GRK2: variants seen among roughly 807,000 people sequenced by gnomAD.
GRK2 encodes adrenergic beta receptor kinase 1.
A neutral mutation model predicts 97.8 loss-of-function variants in GRK2; 23 were observed. The ratio of observed to expected loss-of-function variants is 0.24; its 90% CI spans 0.17 to 0.33. The LOEUF is 0.33. Ranked by LOEUF, GRK2 falls within the 10% of genes least tolerant of loss-of-function variation. GRK2 has a pLI of 1.00. For missense variants in GRK2, 633 were observed against 956.9 expected (o/e 0.66, Z 4.47); for synonymous variants, 425 against 381.7 (o/e 1.11, Z -1.32).
chr11:67,280,087 CCCT>C (rs1860117353), intron 6 of GRK2, 187 bp downstream of exon 6: 2 of 627,918 alleles, frequency 3.2e-6, no homozygotes, highest in Non-Finnish European at 5.7e-6. Flanking sequence ...TCCCACCCTG[CCCT>C]CCTCAGCACC....
At position 67,286,097 on chromosome 11, in the gene GRK2, C is replaced by T. The variant is rs1198285197; in HGVS notation, c.*647C>T. On this transcript the variant is annotated 3_prime_UTR_variant, in exon 21 of 21. Coordinates refer to ENST00000308595, the MANE Select transcript of GRK2 (RefSeq NM_001619.5). ...GGTGCTGCTACCCTCCCTGCTGTCC[C>T]CTCTTGCCCCAACCCCCAGCACCCG... is the stretch of plus-strand genomic sequence containing the variant. The T allele has an allele frequency of 5.0e-6, 2 of 397,954 alleles. No homozygotes were observed. The highest frequency in any genetic ancestry group is 9.1e-6 in the Non-Finnish European group (2 of 220,648). 24.7% of individuals were successfully genotyped at this position (397,954 alleles called of 1,614,324 possible).
In GRK2 at chr11:67,284,282, G is replaced by A. The variant is rs1367742086; in HGVS notation, c.1563G>A (p.Val521=). ...TCTCGGAGCGGTGGCAGCAGGAGGT[G>A]GCAGAGACTGTCTTCGACACCATCA... is the stretch of plus-strand genomic sequence containing the variant. ...LTISERWQQE[V]AETVFDTINA... The change falls in exon 18 of 21, where the codon GTG becomes GTA. Residue 521 remains valine (V), a synonymous_variant. Coordinates refer to ENST00000308595, the MANE Select transcript of GRK2 (RefSeq NM_001619.5). 1 of 1,613,466 alleles carries A rather than the reference G, an allele frequency of 6.2e-7. No individual in the cohort carries two copies. Among genetic ancestry groups the A allele is most frequent in the Non-Finnish European group, 8.5e-7 (1 of 1,179,986 alleles).
chr11:67,274,302 C>T (rs914184959), intron 1 of GRK2, among the ~76,000 whole-genome samples: 2 of 151,800 alleles, frequency 1.3e-5, no homozygotes, highest in South Asian at 2.1e-4. Flanking sequence ...TGAGCCACCG[C>T]GTCCCGCCAA....
rs1269843779 is a variant in GRK2, at chr11:67,281,731, G to C, written c.826+3G>C. ...CTTCATCCTGGACCTCATGAACGGT[G>C]AGTGCTGGCCGGGCCCTAGGGTGGG... On this transcript the variant is annotated splice_donor_region_variant and intron_variant, in intron 10 of 20. Transcript: ENST00000308595. This position sits in a 1 kb window ranked among gnomAD's most constrained non-coding sequence, Gnocchi z 5.7. 6.2e-7 allele frequency: 1 copy of C among 1,613,528 alleles called. No individual in the cohort carries two copies. The highest frequency in any genetic ancestry group is 8.5e-7 in the Non-Finnish European group (1 of 1,179,960).
rs57767154 is a variant in GRK2 at position 67,274,495 on chromosome 11, CT to C, written c.114-2750del. Among the ~76,000 whole-genome samples, 161 of 22,474 alleles carry C rather than the reference CT, an allele frequency of 7.2e-3. 2 individuals are homozygous for C. Among genetic ancestry groups the C allele is most frequent in the East Asian group, 0.03 (11 of 372 alleles). 14.7% of individuals were successfully genotyped at this position (22,474 alleles called of 152,430 possible). A position where few individuals can be genotyped will look rare whatever the true frequency, so the allele number is the denominator to read the frequency against. Reference sequence around the variant, plus strand: ...TCGCTACCTTCCGCTTGACCAGCACCTTTTTTTTTTTTTTTTTTTTTTTTTT... The same window carrying C: ...TCGCTACCTTCCGCTTGACCAGCACCTTTTTTTTTTTTTTTTTTTTTTTTT... On this transcript the variant is annotated intron_variant, in intron 1 of 20. Coordinates refer to ENST00000308595, the MANE Select transcript of GRK2 (RefSeq NM_001619.5).
intron 2 of GRK2, among the ~76,000 whole-genome samples, chr11:67,278,679 G>T (rs1050610735): frequency 6.6e-6 from 1 of 152,210 alleles, no homozygotes; most frequent in African/African-American, 2.4e-5. Flanking sequence ...CTGGAGTGGG[G>T]CAGGGTCCAG....
rs1647345998 is a variant in GRK2 at position 67,269,265 on chromosome 11, C to T, written c.113+2453C>T. Among the ~76,000 whole-genome samples, 1 of 150,512 alleles carries T rather than the reference C, an allele frequency of 6.6e-6. No individual in the cohort carries two copies. The highest frequency in any genetic ancestry group is 1.5e-5 in the Non-Finnish European group (1 of 67,608). The stretch of plus-strand genomic sequence containing the variant: ...TTTTCCACTTGCAGAGTGCTTTTTA[C>T]TCTGTTTTGTCCTTTTGACAACTGT... On this transcript the variant is annotated intron_variant, in intron 1 of 20. Transcript: ENST00000308595. This position sits in a 1 kb window ranked among gnomAD's most constrained non-coding sequence, Gnocchi z 4.1.
chr11:67,281,888 CG>C lies in GRK2; in HGVS notation c.895del (p.Ala299ProfsTer20). The C allele has an allele frequency of 6.2e-7, 1 of 1,613,646 alleles. No individual in the cohort carries two copies. Among genetic ancestry groups the C allele is most frequent in the Non-Finnish European group, 8.5e-7 (1 of 1,179,984 alleles). ...VFSEADMRFY[A>X]AEIILGLEHM... ...TCAGAGGCTGACATGCGCTTCTATGCGGCCGAGATCATCCTGGGCCTGGAGC... is the reference window on the plus strand; with the variant it reads ...TCAGAGGCTGACATGCGCTTCTATGCGCCGAGATCATCCTGGGCCTGGAGC... On this transcript the variant is annotated frameshift_variant, in exon 11 of 21. Coordinates refer to ENST00000308595, the MANE Select transcript of GRK2 (RefSeq NM_001619.5). LOFTEE classifies it high-confidence loss of function. The surrounding 1 kb of genome is among the most constrained non-coding windows in gnomAD (Gnocchi z 5.7).
At chr11:67,279,154 C>T (rs750803892) in intron 2 of GRK2, 46 bp from the exon 3 acceptor site, 12 of 1,508,084 alleles carry the variant, frequency 8.0e-6, no homozygotes, top group Non-Finnish European at 1.0e-5. Flanking sequence ...GATGGGAAGG[C>T]CTCTGAGAGA....
At chr11:67,271,911 C>T (rs1233415099) in intron 1 of GRK2, among the ~76,000 whole-genome samples, 1 of 152,216 alleles carries the variant, frequency 6.6e-6, no homozygotes, top group Non-Finnish European at 1.5e-5. Context: ...GGAAATGCCA[C>T]AGGGAGCACC....
At chr11:67,273,805 G>A (rs1859962790) in intron 1 of GRK2, among the ~76,000 whole-genome samples, 3 of 152,112 alleles carry the variant, frequency 2.0e-5, no homozygotes, top group South Asian at 4.1e-4. Context: ...TCAGAGCCCC[G>A]GGTCCTGCTT....
intron 1 of GRK2, among the ~76,000 whole-genome samples, chr11:67,275,388 C>A (rs1295281348): frequency 6.6e-6 from 1 of 152,224 alleles, no homozygotes; most frequent in Admixed American, 6.5e-5. Context: ...TCTTCCAGAC[C>A]CTCGGGCCCA....
chr11:67,285,001 G>A lies in GRK2; in HGVS notation c.1791+18G>A. On this transcript the variant is annotated intron_variant, in intron 19 of 20. Transcript: ENST00000308595. ...AGGCCCCGGTAAGGAGCCCGTGCGG[G>A]GGTCCGGGAGCCGGGCTTCCGGGTG... 4 of 1,612,270 alleles carry A rather than the reference G, an allele frequency of 2.5e-6. No homozygotes were observed. The highest frequency in any genetic ancestry group is 3.4e-6 in the Non-Finnish European group (4 of 1,179,592).
rs879039586 is a variant in GRK2 at position 67,283,566 on chromosome 11, GTTCTCCCA to G, written c.1329-138_1329-131del. On this transcript the variant is annotated intron_variant, in intron 15 of 20. Transcript: ENST00000308595. ...ACAACCCTACGATGTAGGAACTTCT[GTTCTCCCA>G]TTTGAGAGATGAGGAAACAGCTCAG... is the stretch of plus-strand genomic sequence containing the variant. The G allele has an allele frequency of 3.0e-5, 25 of 840,180 alleles. No individual in the cohort carries two copies. In the South Asian group the frequency reaches 3.5e-4, roughly 12 times the overall value. 52.0% of individuals were successfully genotyped at this position (840,180 alleles called of 1,614,324 possible). A position where few individuals can be genotyped will look rare whatever the true frequency, so the allele number is the denominator to read the frequency against.
At position 67,279,945 on chromosome 11, in the gene GRK2, G is replaced by A. The variant is rs758902035; in HGVS notation, c.503+45G>A. 2.0e-5 allele frequency: 32 copies of A among 1,576,330 alleles called. 1 individual carries two copies. Among genetic ancestry groups the A allele is most frequent in the East Asian group, 4.5e-5 (2 of 44,710 alleles). On this transcript the variant is annotated intron_variant, in intron 6 of 20. Coordinates refer to ENST00000308595, the MANE Select transcript of GRK2 (RefSeq NM_001619.5). ...GGAGAGGAAGGGGGAGGGAGGGGCC[G>A]CTCTCAGAAGGGGTATGGCTGGCGT...
rs933389213 is a variant in GRK2, at chr11:67,286,292, C to G, written c.*842C>G. On this transcript the variant is annotated 3_prime_UTR_variant, in exon 21 of 21. Coordinates refer to ENST00000308595, the MANE Select transcript of GRK2 (RefSeq NM_001619.5). The stretch of plus-strand genomic sequence containing the variant: ...GGCTGGGGCCTATCAGTGTGCCCCC[C>G]ATCCTGGCCCATCAGTGTACCCCCG... 7.8e-6 allele frequency: 5 copies of G among 642,750 alleles called. No homozygotes were observed. In the Admixed American group the frequency reaches 1.1e-4, roughly 14 times the overall value. 39.8% of individuals were successfully genotyped at this position (642,750 alleles called of 1,614,324 possible). A position where few individuals can be genotyped will look rare whatever the true frequency, so the allele number is the denominator to read the frequency against.
chr11:67,272,877 G>T (rs1027635700), intron 1 of GRK2, among the ~76,000 whole-genome samples: 1 of 152,226 alleles, frequency 6.6e-6, no homozygotes, highest in African/African-American at 2.4e-5. Flanking sequence ...ATCCTCCAAG[G>T]CCCCATCCTC....
chr11:67,268,928 C>T (rs1376869086), intron 1 of GRK2, among the ~76,000 whole-genome samples: 1 of 152,246 alleles, frequency 6.6e-6, no homozygotes, highest in Non-Finnish European at 1.5e-5. Flanking sequence ...GGATAGGATT[C>T]TAGGAGGACA....
chr11:67,272,390 C>T (rs1387915539), intron 1 of GRK2, among the ~76,000 whole-genome samples: 1 of 152,158 alleles, frequency 6.6e-6, no homozygotes, highest in Non-Finnish European at 1.5e-5. Context: ...TTGCCATCAG[C>T]AAGAGTGTGT....
Sources: gnomAD v4.1 joint callset for allele counts (sites outside exome capture counted in the v4.1 genomes callset) on GRCh38, gnomAD v4.1.1 for gene constraint, Gnocchi (gnomAD v3.1) non-coding constraint, MANE v1.5 for transcripts, NCBI Gene and HGNC (gene_info 2026-07-23, HGNC 2026-07-21) for gene names.